The following PRKAG2 variants were observed in gnomAD, a reference collection of about 807,000 sequenced individuals.
PRKAG2 encodes the protein protein kinase AMP-activated non-catalytic subunit gamma 2.
Under a neutral mutation model 69.6 loss-of-function variants are expected in PRKAG2, and 26 were observed. The ratio of observed to expected loss-of-function variants is 0.37; its 90% CI spans 0.27 to 0.52. PRKAG2 has a LOEUF of 0.52. Ranked by LOEUF, PRKAG2 falls within the 20% of genes least tolerant of loss-of-function variation. PRKAG2 has a pLI of 0.90. For missense variants in PRKAG2, 557 were observed against 740.0 expected (o/e 0.75, Z 2.87); for synonymous variants, 293 against 285.0 (o/e 1.03, Z -0.28).
At chr7:151,783,786 TC>T (rs1415838694) in intron 2 of PRKAG2, among the ~76,000 whole-genome samples, 3 of 151,456 alleles carry the variant, frequency 2.0e-5, no homozygotes, top group African/African-American at 7.3e-5. Context: ...TGGCCTGTAG[TC>T]CCAGCTACTC....
rs147510769 is a variant in PRKAG2, at chr7:151,593,124, G to A, written c.864+2221C>T. ...CTCACTTGACTTTCTCTAGGGTTTA[G>A]CCAAAATGAGTAATACATGGAAAGC... On this transcript the variant is annotated intron_variant, in intron 6 of 15. Transcript: ENST00000287878. Among the ~76,000 whole-genome samples, 11 of 152,318 alleles carry A rather than the reference G, an allele frequency of 7.2e-5. No homozygotes were observed. The South Asian group carries it at 1.7e-3, about 23-fold the overall frequency.
intron 1 of PRKAG2, among the ~76,000 whole-genome samples, chr7:151,825,988 T>G (rs2078896571): frequency 6.6e-6 from 1 of 152,132 alleles, no homozygotes; most frequent in Non-Finnish European, 1.5e-5. Flanking sequence ...TGTGTGGGTT[T>G]AAAACAGGAA....
chr7:151,828,137 C>T lies in PRKAG2; in HGVS notation c.115-41596G>A, dbSNP rs2078949318. The stretch of plus-strand genomic sequence containing the variant: ...GCAAACGCCTGCTACCCAGGGGAGC[C>T]CCGACCCCAGGCTGGCCCTGGAATG... On this transcript the variant is annotated intron_variant, in intron 1 of 15. Transcript: ENST00000287878. This position sits in a 1 kb window ranked among gnomAD's most constrained non-coding sequence, Gnocchi z 4.6. Among the ~76,000 whole-genome samples the T allele has an allele frequency of 6.6e-6, 1 of 152,226 alleles. No individual in the cohort carries two copies. The highest frequency in any genetic ancestry group is 2.4e-5 in the African/African-American group (1 of 41,456).
intron 1 of PRKAG2, among the ~76,000 whole-genome samples, chr7:151,819,652 C>T (rs1380552765): frequency 1.3e-5 from 2 of 152,204 alleles, no homozygotes; most frequent in Non-Finnish European, 2.9e-5. Flanking sequence ...CAAAAACAAA[C>T]CAACCCCCGC....
chr7:151,675,712 T>C lies in PRKAG2; in HGVS notation c.467-75A>G, dbSNP rs114604087. On this transcript the variant is annotated intron_variant, in intron 3 of 15. Transcript: ENST00000287878. The stretch of plus-strand genomic sequence containing the variant: ...ACGTCGGGGGTGGTCAGAGGTCTGG[T>C]CTCCAGGAAGGGAGATGGGGAGAGG... 0.022 allele frequency: 30,764 copies of C among 1,410,050 alleles called. 1,710 individuals carry two copies. The African/African-American group carries it at 0.23, about 10-fold the overall frequency. The allele number at this position is 1,410,050 out of a possible 1,614,324, so 87.3% of individuals were successfully genotyped here.
At chr7:151,639,573 G>T (rs966550504) in intron 4 of PRKAG2, among the ~76,000 whole-genome samples, 3 of 152,194 alleles carry the variant, frequency 2.0e-5, no homozygotes, top group East Asian at 3.9e-4. Flanking sequence ...AGGTGACAGA[G>T]GATTTCCTTG....
rs1217678730 is a variant in PRKAG2, at chr7:151,614,706, C to T, written c.754+17363G>A. Among the ~76,000 whole-genome samples the T allele has an allele frequency of 2.0e-5, 3 of 152,178 alleles. No homozygotes were observed. Among genetic ancestry groups the T allele is most frequent in the African/African-American group, 4.8e-5 (2 of 41,446 alleles). ...GGCCCTAAGCCCACTTTGCCAGGACCGCTCCAGTTCAGCACCATGGAATGG... is the reference window on the plus strand; with the variant it reads ...GGCCCTAAGCCCACTTTGCCAGGACTGCTCCAGTTCAGCACCATGGAATGG... On this transcript the variant is annotated intron_variant, in intron 5 of 15. Transcript: ENST00000287878. This position sits in a 1 kb window ranked among gnomAD's most constrained non-coding sequence, Gnocchi z 4.4.
chr7:151,852,113 G>C (rs2079583337), intron 1 of PRKAG2, among the ~76,000 whole-genome samples: 1 of 152,184 alleles, frequency 6.6e-6, no homozygotes, highest in South Asian at 2.1e-4. Flanking sequence ...AGGAACCCAG[G>C]CTCCTACGCA....
At chr7:151,739,004 C>G (rs1038092144) in intron 3 of PRKAG2, among the ~76,000 whole-genome samples, 4 of 152,174 alleles carry the variant, frequency 2.6e-5, no homozygotes, top group African/African-American at 9.7e-5. Context: ...GCTCCCACCC[C>G]AGATCTGCCA....
intron 1 of PRKAG2, among the ~76,000 whole-genome samples, chr7:151,842,953 A>G (rs576690833): frequency 1.0e-3 from 156 of 152,112 alleles, no homozygotes; most frequent in Admixed American, 2.5e-3. Context: ...CCCTGTCCCT[A>G]CTTTGGGACA....
chr7:151,668,051 T>C (rs1831300074), intron 4 of PRKAG2, among the ~76,000 whole-genome samples: 1 of 152,212 alleles, frequency 6.6e-6, no homozygotes, highest in African/African-American at 2.4e-5. Flanking sequence ...TGTGGCAGTG[T>C]TGAGAGGTGG....
intron 4 of PRKAG2, among the ~76,000 whole-genome samples, chr7:151,655,148 A>C (rs1472054117): frequency 6.6e-6 from 1 of 152,236 alleles, no homozygotes; most frequent in African/African-American, 2.4e-5. Flanking sequence ...ATTCTTTCAG[A>C]AAGAAACAGC....
chr7:151,761,403 T>C (rs1026914430), intron 3 of PRKAG2, among the ~76,000 whole-genome samples: 2 of 152,170 alleles, frequency 1.3e-5, no homozygotes, highest in Admixed American at 1.3e-4. Context: ...GAACCTAAGA[T>C]TGGCCTTTTG....
At chr7:151,845,900 G>A (rs1563749725) in intron 1 of PRKAG2, among the ~76,000 whole-genome samples, 1 of 152,190 alleles carries the variant, frequency 6.6e-6, no homozygotes, top group East Asian at 1.9e-4. Flanking sequence ...GGCATCTGGG[G>A]GCTGGATTTT....
chr7:151,785,808 C>T (rs187087636), intron 2 of PRKAG2, among the ~76,000 whole-genome samples: 5 of 152,268 alleles, frequency 3.3e-5, no homozygotes, highest in East Asian at 1.9e-4. Flanking sequence ...CGCCCTGCCA[C>T]GGCCACCTCG....
chr7:151,785,156 G>A (rs913258008), intron 2 of PRKAG2, among the ~76,000 whole-genome samples: 36 of 152,368 alleles, frequency 2.4e-4, no homozygotes, highest in African/African-American at 7.0e-4. Context: ...GCATTCAGCC[G>A]TCTGCGGAGC....
chr7:151,875,584 T>TGTGC (rs2080373255), intron 1 of PRKAG2, among the ~76,000 whole-genome samples: 1 of 104,034 alleles, frequency 9.6e-6, no homozygotes, highest in Admixed American at 9.8e-5. Flanking sequence ...TGTGTGTGTG[T>TGTGC]GTGTGTGTGT....
chr7:151,669,445 T>C (rs556928450), intron 4 of PRKAG2, among the ~76,000 whole-genome samples: 3 of 152,354 alleles, frequency 2.0e-5, no homozygotes, highest in African/African-American at 4.8e-5. Flanking sequence ...ACACATTCCC[T>C]TTGCTCCTGT....
intron 3 of PRKAG2, among the ~76,000 whole-genome samples, chr7:151,718,019 C>T (rs951919014): frequency 1.1e-4 from 17 of 152,186 alleles, no homozygotes; most frequent in Admixed American, 8.5e-4. Flanking sequence ...ATGTGAGGGT[C>T]GTCCTGGGCC....
Sources: gnomAD v4.1 joint callset for allele counts (sites outside exome capture counted in the v4.1 genomes callset) on GRCh38, gnomAD v4.1.1 for gene constraint, Gnocchi (gnomAD v3.1) non-coding constraint, MANE v1.5 for transcripts, NCBI Gene and HGNC (gene_info 2026-07-23, HGNC 2026-07-21) for gene names.